The following MAMLD1 variants were observed in gnomAD, a reference collection of about 807,000 sequenced individuals.
The protein encoded by MAMLD1 is mastermind-like domain-containing protein 1.
MAMLD1 carries 14 observed loss-of-function variants against 45.0 expected under a neutral mutation model. The observed-to-expected ratio is 0.31, with a 90% CI of 0.21 to 0.49. MAMLD1 has a LOEUF of 0.49. Among genes scored for constraint, MAMLD1 ranks in the 20% least tolerant of loss-of-function variants. The pLI is 0.99. For missense variants in MAMLD1, 543 were observed against 603.6 expected (o/e 0.90, Z 1.05); for synonymous variants, 254 against 247.8 (o/e 1.02, Z -0.24).
Position 150,481,946 on chromosome X carries a change from A to G in MAMLD1, c.2040+8144A>G, listed in dbSNP as rs782184631. On this transcript the variant is annotated intron_variant, in intron 5 of 7. Coordinates refer to ENST00000370401, the MANE Select transcript of MAMLD1 (RefSeq NM_005491.5). ...ACAGAGAAAGTAAGAAAGAAAGAAA[A>G]AAGAAAGAAAGAAAGAAAAAAGAAA... is the stretch of plus-strand genomic sequence containing the variant. 1.2e-3 allele frequency among the ~76,000 whole-genome samples: 107 copies of G among 91,935 alleles called. 1 individual carries two copies. The Middle Eastern group carries it at 0.02, about 18-fold the overall frequency. The allele number at this position is 91,935 out of a possible 115,157, so 79.8% of individuals were successfully genotyped here.
At chrX:150,482,590 A>G (rs904452242) in intron 5 of MAMLD1, among the ~76,000 whole-genome samples, 6 of 112,650 alleles carry the variant, frequency 5.3e-5, no homozygotes, top group African/African-American at 1.9e-4. Flanking sequence ...CTCCTAATCA[A>G]AAGCAGTCTT....
At chrX:150,450,638 A>G (rs2035632073) in intron 2 of MAMLD1, among the ~76,000 whole-genome samples, 1 of 110,438 alleles carries the variant, frequency 9.1e-6, no homozygotes, top group African/African-American at 3.3e-5. Flanking sequence ...CGTGTTCCAA[A>G]CCACACAGGG....
At chrX:150,464,091 A>G (rs2036140419) in intron 3 of MAMLD1, among the ~76,000 whole-genome samples, 1 of 111,850 alleles carries the variant, frequency 8.9e-6, no homozygotes, top group African/African-American at 3.3e-5. Flanking sequence ...TACCCATTTT[A>G]CAGAAGAAGA....
chrX:150,385,676 A>G (rs1219474485), intron 1 of MAMLD1, among the ~76,000 whole-genome samples: 1 of 111,393 alleles, frequency 9.0e-6, no homozygotes, highest in Non-Finnish European at 1.9e-5. Flanking sequence ...TGTCTTGGGG[A>G]TGACAGAGGC....
intron 3 of MAMLD1, among the ~76,000 whole-genome samples, chrX:150,468,929 G>A (rs2036309243): frequency 9.0e-6 from 1 of 110,524 alleles, no homozygotes. Flanking sequence ...CAAATTGTTG[G>A]GTATAGGTTC....
intron 1 of MAMLD1, among the ~76,000 whole-genome samples, chrX:150,376,049 C>A (rs5924888): frequency 0.24 from 26,118 of 110,335 alleles, 2,386 homozygotes; most frequent in Non-Finnish European, 0.26. Flanking sequence ...TACCAACTAG[C>A]CATGGCACTT....
At chrX:150,455,659 G>C (rs1478329179) in intron 2 of MAMLD1, among the ~76,000 whole-genome samples, 1 of 111,700 alleles carries the variant, frequency 9.0e-6, no homozygotes, top group Non-Finnish European at 1.9e-5. Context: ...CCACCAATTA[G>C]AGACAAGGTT....
At chrX:150,388,114 A>G (rs1557402095) in intron 1 of MAMLD1, among the ~76,000 whole-genome samples, 1 of 111,853 alleles carries the variant, frequency 8.9e-6, no homozygotes, top group Non-Finnish European at 1.9e-5. Context: ...TTCTTTAAAC[A>G]TCTGGGAAAA....
chrX:150,460,528 T>C (rs1557405564), intron 2 of MAMLD1, among the ~76,000 whole-genome samples: 1 of 111,957 alleles, frequency 8.9e-6, no homozygotes, highest in Non-Finnish European at 1.9e-5. Flanking sequence ...GGAGTGCTAA[T>C]GCAGAAGTAA....
intron 1 of MAMLD1, among the ~76,000 whole-genome samples, chrX:150,401,187 G>A (rs1387248919): frequency 5.4e-5 from 6 of 111,193 alleles, no homozygotes; most frequent in African/African-American, 2.0e-4. Context: ...TTAGTCTTGG[G>A]AGGGTGTATG....
chrX:150,493,425 T>G (rs1471871265), intron 5 of MAMLD1, among the ~76,000 whole-genome samples: 1 of 112,541 alleles, frequency 8.9e-6, no homozygotes, highest in African/African-American at 3.2e-5. Flanking sequence ...TTTCTACTTA[T>G]GTGATTCTGG....
intron 5 of MAMLD1, among the ~76,000 whole-genome samples, chrX:150,486,093 G>A (rs1425893869): frequency 8.9e-6 from 1 of 111,833 alleles, no homozygotes; most frequent in Non-Finnish European, 1.9e-5. Flanking sequence ...AAAGTCCAGC[G>A]GTTGGGTGGA....
chrX:150,421,485 C>T (rs1393912829), intron 1 of MAMLD1, among the ~76,000 whole-genome samples: 4 of 112,284 alleles, frequency 3.6e-5, no homozygotes, highest in Non-Finnish European at 5.6e-5. Flanking sequence ...AATGGCTATT[C>T]TGGTTCTTCT....
chrX:150,491,358 A>G (rs2037181666), intron 5 of MAMLD1, among the ~76,000 whole-genome samples: 1 of 111,966 alleles, frequency 8.9e-6, no homozygotes, highest in South Asian at 3.7e-4. Context: ...GTGCCACAGG[A>G]TTAACCTGGT....
intron 5 of MAMLD1, among the ~76,000 whole-genome samples, chrX:150,477,534 T>C (rs1557406910): frequency 9.0e-6 from 1 of 111,432 alleles, no homozygotes; most frequent in Non-Finnish European, 1.9e-5. Flanking sequence ...GCCAGGTGGC[T>C]GAGGAGCAGC....
intron 1 of MAMLD1, among the ~76,000 whole-genome samples, chrX:150,417,370 T>C (rs1229460807): frequency 9.5e-6 from 1 of 105,242 alleles, no homozygotes; most frequent in Non-Finnish European, 2.0e-5. Flanking sequence ...TAGTATTCCA[T>C]GGTGTATATG....
rs1375644004 is a variant in MAMLD1 at position 150,368,833 on chromosome X, T to G, written c.-64+5303T>G. The stretch of plus-strand genomic sequence containing the variant: ...TTAAATAGGGAATCCTTTCCCCATT[T>G]CTTGTTTTTGTCAGGTTTGTCAAAG... On this transcript the variant is annotated intron_variant, in intron 1 of 7. Transcript: ENST00000370401. 6.2e-5 allele frequency among the ~76,000 whole-genome samples: 7 copies of G among 112,283 alleles called. No homozygotes were observed. In the East Asian group the frequency reaches 8.4e-4, roughly 13 times the overall value.
intron 1 of MAMLD1, among the ~76,000 whole-genome samples, chrX:150,369,785 C>T (rs1382163676): frequency 1.2e-4 from 13 of 111,167 alleles, no homozygotes; most frequent in Non-Finnish European, 2.4e-4. Flanking sequence ...CACACACGTG[C>T]ACCACTGGGG....
At position 150,398,477 on chromosome X, in the gene MAMLD1, C is replaced by T. The variant is rs782682449; in HGVS notation, c.-64+34947C>T. Among the ~76,000 whole-genome samples the T allele has an allele frequency of 5.4e-5, 6 of 111,215 alleles. No individual in the cohort carries two copies. The South Asian group carries it at 1.2e-3, about 22-fold the overall frequency. ...CGAACATTAGTTGTGGATATTCCTT[C>T]TTTCCTGCTGTATCAGTGGGGGTTG... On this transcript the variant is annotated intron_variant, in intron 1 of 7. Coordinates refer to ENST00000370401, the MANE Select transcript of MAMLD1 (RefSeq NM_005491.5).
Sources: allele counts gnomAD v4.1 joint callset (sites outside exome capture counted in the v4.1 genomes callset), GRCh38; gene constraint gnomAD v4.1.1; transcripts MANE v1.5; gene names NCBI Gene and HGNC (gene_info 2026-07-23, HGNC 2026-07-21).